GABBR2: variants seen among roughly 807,000 people sequenced by gnomAD.
The protein encoded by GABBR2 is G-protein coupled receptor 51.
In GABBR2, 23 loss-of-function variants were observed where a neutral mutation model predicts 105.6. That is an observed-to-expected ratio of 0.22 (90% confidence interval 0.16 to 0.31). The LOEUF (loss-of-function observed/expected upper bound fraction) is 0.31. Among genes scored for constraint, GABBR2 ranks in the 10% least tolerant of loss-of-function variants. The probability of loss-of-function intolerance (pLI) is 1.00; values close to 1 mark genes in which losing one functional copy is unlikely to be tolerated. For synonymous variants in GABBR2, 478 were observed against 499.7 expected (o/e 0.96, Z 0.58); for missense variants, 734 against 1,245.5 (o/e 0.59, Z 6.18).
intron 1 of GABBR2, among the ~76,000 whole-genome samples, chr9:98,626,875 C>T (rs141408619): frequency 1.3e-5 from 2 of 152,306 alleles, no homozygotes; most frequent in African/African-American, 4.8e-5. Context: ...CTTCCAGATG[C>T]TCCTGGAGGG....
At position 98,447,063 on chromosome 9, in the gene GABBR2, C is replaced by CTTTTTT. The variant is rs369338702; in HGVS notation, c.1236+6912_1236+6917dup. Among the ~76,000 whole-genome samples, 13 of 116,340 alleles carry CTTTTTT rather than the reference C, an allele frequency of 1.1e-4. No homozygotes were observed. In the East Asian group the frequency reaches 1.4e-3, roughly 13 times the overall value. The allele number at this position is 116,340 out of a possible 152,430, so 76.3% of individuals were successfully genotyped here. On this transcript the variant is annotated intron_variant, in intron 7 of 18. Coordinates refer to ENST00000259455, the MANE Select transcript of GABBR2 (RefSeq NM_005458.8). ...CCCAGATTCAACCTAAAAAAGACTT[C>CTTTTTT]TTTTTTTTTTTTTTTTGAGACGGAG...
chr9:98,493,381 A>T (rs535112377), intron 4 of GABBR2, among the ~76,000 whole-genome samples: 1 of 152,270 alleles, frequency 6.6e-6, no homozygotes, highest in South Asian at 2.1e-4. Context: ...AGGTGTGCTC[A>T]TTGCTACTGT....
At chr9:98,392,381 C>T (rs1303758589) in intron 9 of GABBR2, among the ~76,000 whole-genome samples, 1 of 152,234 alleles carries the variant, frequency 6.6e-6, no homozygotes, top group Non-Finnish European at 1.5e-5. Flanking sequence ...AGCAGACATG[C>T]CGATCTTGGG....
intron 1 of GABBR2, among the ~76,000 whole-genome samples, chr9:98,707,936 G>T (rs571046446): frequency 2.0e-5 from 3 of 152,234 alleles, no homozygotes; most frequent in Non-Finnish European, 2.9e-5. Flanking sequence ...GGAGCCTTCC[G>T]GACCTCAAAG....
chr9:98,624,928 C>T (rs1328408234), intron 1 of GABBR2, among the ~76,000 whole-genome samples: 2 of 152,180 alleles, frequency 1.3e-5, no homozygotes, highest in East Asian at 3.9e-4. Context: ...GAGGGATCAG[C>T]CTGTTGCTCC....
chr9:98,359,295 G>A (rs1467637237), intron 13 of GABBR2, among the ~76,000 whole-genome samples: 4 of 152,074 alleles, frequency 2.6e-5, no homozygotes, highest in African/African-American at 9.7e-5. Context: ...AGGCATGGTG[G>A]TGCACACCTG....
intron 10 of GABBR2, among the ~76,000 whole-genome samples, chr9:98,386,829 T>C (rs1832080965): frequency 6.6e-6 from 1 of 152,246 alleles, no homozygotes; most frequent in South Asian, 2.1e-4. Context: ...AGAAGCCTGC[T>C]GCTCTTCCTC....
intron 5 of GABBR2, among the ~76,000 whole-genome samples, chr9:98,478,904 C>T (rs1349384096): frequency 6.6e-6 from 1 of 152,128 alleles, no homozygotes; most frequent in African/African-American, 2.4e-5. Flanking sequence ...CAATCACCCA[C>T]CATGTACCAG....
intron 6 of GABBR2, among the ~76,000 whole-genome samples, chr9:98,457,069 C>G (rs1335830888): frequency 6.6e-6 from 1 of 152,142 alleles, no homozygotes; most frequent in Non-Finnish European, 1.5e-5. Context: ...AACTACTGAC[C>G]ATTTTAAAAG....
At chr9:98,634,259 T>C (rs1366983956) in intron 1 of GABBR2, among the ~76,000 whole-genome samples, 1 of 152,228 alleles carries the variant, frequency 6.6e-6, no homozygotes, top group African/African-American at 2.4e-5. Context: ...AACTTCTAAA[T>C]GTGAGCCCGC....
At chr9:98,565,025 T>G (rs536078481) in intron 2 of GABBR2, among the ~76,000 whole-genome samples, 1 of 152,140 alleles carries the variant, frequency 6.6e-6, no homozygotes, top group Non-Finnish European at 1.5e-5. Flanking sequence ...GGGCAACAGC[T>G]CTTGAGCTGT....
chr9:98,453,726 C>T (rs562199474), intron 7 of GABBR2, among the ~76,000 whole-genome samples: 24 of 152,302 alleles, frequency 1.6e-4, no homozygotes, highest in Admixed American at 1.2e-3. Context: ...GAGTGAAAGC[C>T]TACCTTCAGC....
rs1255805463 is a variant in GABBR2, at chr9:98,708,577, G to A, written c.161C>T (p.Pro54Leu). ...RGAPRPPPSS[P>L]PLSIMGLMPL... is the part of the protein sequence containing the mutation. ...CATGAGGCCCATGATGGAGAGCGGC[G>A]GGCTGCTGGGCGGCGGCCGGGGGGC... The change falls in exon 1 of 19, where the codon CCG (proline) becomes CTG (leucine). Residue 54 changes from proline to leucine, a missense_variant. Transcript: ENST00000259455. 2 of 1,506,416 alleles carry A rather than the reference G, an allele frequency of 1.3e-6. No homozygotes were observed. Among genetic ancestry groups the A allele is most frequent in the African/African-American group, 2.8e-5 (2 of 70,604 alleles). The allele number at this position is 1,506,416 out of a possible 1,614,324, so 93.3% of individuals were successfully genotyped here.
intron 10 of GABBR2, among the ~76,000 whole-genome samples, chr9:98,386,290 C>T (rs991424962): frequency 2.7e-5 from 4 of 149,638 alleles, no homozygotes; most frequent in Non-Finnish European, 5.9e-5. Flanking sequence ...CAGCCACGTT[C>T]CCCACAGTGA....
At chr9:98,576,678 A>T (rs1356049723) in intron 2 of GABBR2, among the ~76,000 whole-genome samples, 4 of 152,240 alleles carry the variant, frequency 2.6e-5, no homozygotes, top group Non-Finnish European at 5.9e-5. Flanking sequence ...TTTAAAAATT[A>T]AAAGAGTTCA....
At chr9:98,672,177 C>T (rs76562913) in intron 1 of GABBR2, among the ~76,000 whole-genome samples, 2,146 of 152,202 alleles carry the variant, frequency 0.014, 53 homozygotes, top group African/African-American at 0.05. Context: ...CTTTGCAAAA[C>T]TGAAACTTTA....
At chr9:98,628,293 G>A (rs1829772702) in intron 1 of GABBR2, among the ~76,000 whole-genome samples, 1 of 152,152 alleles carries the variant, frequency 6.6e-6, no homozygotes. Flanking sequence ...CCAAACAAAA[G>A]GTTTTTGCAA....
chr9:98,542,962 T>TAA (rs1564109669), intron 2 of GABBR2, among the ~76,000 whole-genome samples: 1 of 151,970 alleles, frequency 6.6e-6, no homozygotes, highest in Non-Finnish European at 1.5e-5. Flanking sequence ...TGAAGATATT[T>TAA]TATATATATA....
At chr9:98,566,306 A>T (rs964276368) in intron 2 of GABBR2, among the ~76,000 whole-genome samples, 1 of 152,196 alleles carries the variant, frequency 6.6e-6, no homozygotes, top group African/African-American at 2.4e-5. Context: ...CTGCCATAAA[A>T]AAAGCCCATT....
Sources: gnomAD v4.1 joint callset for allele counts (sites outside exome capture counted in the v4.1 genomes callset) on GRCh38, gnomAD v4.1.1 for gene constraint, MANE v1.5 for transcripts, NCBI Gene and HGNC (gene_info 2026-07-23, HGNC 2026-07-21) for gene names.